The following RSPO2 variants were observed in gnomAD, a reference collection of about 807,000 sequenced individuals.
The protein encoded by RSPO2 is R-spondin-2.
A neutral mutation model predicts 30.9 loss-of-function variants in RSPO2; 14 were observed. The observed-to-expected ratio is 0.45, with a 90% CI of 0.30 to 0.71. RSPO2 has a LOEUF of 0.71. Among genes scored for constraint, RSPO2 ranks in the 30% least tolerant of loss-of-function variants. RSPO2 has a pLI of 0.08. For missense variants in RSPO2, 264 were observed against 301.9 expected (o/e 0.87, Z 0.93); for synonymous variants, 107 against 96.4 (o/e 1.11, Z -0.64).
intron 3 of RSPO2, chr8:107,983,083 C>A (rs1814506827): frequency 7.5e-7 from 1 of 1,338,940 alleles, no homozygotes; most frequent in South Asian, 1.4e-5. Context: ...CACCACTACT[C>A]CCCTTCCTAA....
intron 2 of RSPO2, among the ~76,000 whole-genome samples, chr8:108,057,998 A>C (rs572957179): frequency 6.6e-6 from 1 of 152,258 alleles, no homozygotes; most frequent in South Asian, 2.1e-4. Flanking sequence ...CCTGGCCAGA[A>C]CTTCCAACAC....
At chr8:107,972,154 T>G (rs1466118894) in intron 3 of RSPO2, among the ~76,000 whole-genome samples, 2 of 151,910 alleles carry the variant, frequency 1.3e-5, no homozygotes, top group Admixed American at 6.6e-5. Context: ...ACACAGTCTT[T>G]TTTTTTTTTG....
chr8:108,041,039 C>CT, intron 2 of RSPO2, among the ~76,000 whole-genome samples: 1 of 151,934 alleles, frequency 6.6e-6, no homozygotes, highest in Non-Finnish European at 1.5e-5. Flanking sequence ...CAATTTAGGA[C>CT]TAGTTGGCCA....
intron 2 of RSPO2, among the ~76,000 whole-genome samples, chr8:108,062,615 T>C (rs377732442): frequency 1.3e-5 from 2 of 150,974 alleles, no homozygotes; most frequent in African/African-American, 4.9e-5. Context: ...CAAGGAGGAG[T>C]TGGTACCATT....
intron 5 of RSPO2, among the ~76,000 whole-genome samples, chr8:107,931,259 T>C (rs1307332370): frequency 2.0e-5 from 3 of 152,182 alleles, no homozygotes; most frequent in African/African-American, 7.2e-5. Flanking sequence ...AAAATAAGTA[T>C]TAATATAAAG....
chr8:107,970,691 G>A (rs1813967053), intron 3 of RSPO2, among the ~76,000 whole-genome samples: 1 of 152,162 alleles, frequency 6.6e-6, no homozygotes, highest in African/African-American at 2.4e-5. Flanking sequence ...AGTTGTCTGT[G>A]GGTCAATATT....
At chr8:108,062,075 A>G (rs1018390728) in intron 2 of RSPO2, among the ~76,000 whole-genome samples, 5 of 151,914 alleles carry the variant, frequency 3.3e-5, no homozygotes, top group African/African-American at 7.3e-5. Flanking sequence ...TGCCCACAAG[A>G]GAAAGCAGGA....
At position 107,996,894 on chromosome 8, in the gene RSPO2, G is replaced by A. The variant is rs1418919284; in HGVS notation, c.95-7650C>T. ...CTCAACAGACTTAAACAATGAAAAT[G>A]AATTAGGGAATACTTACCCAAGTCC... is the stretch of plus-strand genomic sequence containing the variant. On this transcript the variant is annotated intron_variant, in intron 2 of 5. Coordinates refer to ENST00000276659, the MANE Select transcript of RSPO2 (RefSeq NM_178565.5). The A allele has an allele frequency of 8.8e-6, 4 of 454,072 alleles. No individual in the cohort carries two copies. In the Admixed American group the frequency reaches 9.5e-5, roughly 11 times the overall value. The allele number at this position is 454,072 out of a possible 1,614,324, so 28.1% of individuals were successfully genotyped here. A position where few individuals can be genotyped will look rare whatever the true frequency, so the allele number is the denominator to read the frequency against.
rs71308771 is a variant in RSPO2 at position 108,029,054 on chromosome 8, C to CTTT, written c.95-39813_95-39811dup. Among the ~76,000 whole-genome samples, 14 of 26,200 alleles carry CTTT rather than the reference C, an allele frequency of 5.3e-4. 5 individuals carry two copies. The highest frequency in any genetic ancestry group is 1.5e-3 in the Non-Finnish European group (13 of 8,926). 17.2% of individuals were successfully genotyped at this position (26,200 alleles called of 152,430 possible). On this transcript the variant is annotated intron_variant, in intron 2 of 5. Transcript: ENST00000276659. ...AACTTGGGTAACTGTTAACATGAGT[C>CTTT]TTTTTTTTTTTTTTTTTTTTTTTTT...
chr8:108,034,751 T>C (rs1310361418), intron 2 of RSPO2, among the ~76,000 whole-genome samples: 3 of 152,286 alleles, frequency 2.0e-5, no homozygotes, highest in South Asian at 2.1e-4. Context: ...GCCCTGGTTA[T>C]GGTCAAAGCT....
At chr8:108,027,696 G>T (rs1811269253) in intron 2 of RSPO2, among the ~76,000 whole-genome samples, 1 of 151,744 alleles carries the variant, frequency 6.6e-6, no homozygotes, top group Middle Eastern at 3.4e-3. Flanking sequence ...GAGCCTGATG[G>T]GAAAATAAAA....
At chr8:107,935,006 A>G (rs1486423646) in intron 5 of RSPO2, among the ~76,000 whole-genome samples, 1 of 152,234 alleles carries the variant, frequency 6.6e-6, no homozygotes, top group African/African-American at 2.4e-5. Context: ...TTTGAACAAT[A>G]TGAAATCTGG....
At chr8:107,998,731 AT>A (rs1449866351) in intron 2 of RSPO2, among the ~76,000 whole-genome samples, 1 of 152,154 alleles carries the variant, frequency 6.6e-6, no homozygotes, top group African/African-American at 2.4e-5. Context: ...AAATTTCAAA[AT>A]TCTAGAACTC....
At chr8:107,982,009 C>CAAAAAAAAAAAAAA (rs372977834) in intron 3 of RSPO2, among the ~76,000 whole-genome samples, 20 of 55,380 alleles carry the variant, frequency 3.6e-4, no homozygotes, top group East Asian at 5.7e-4. Flanking sequence ...ACAACAACAA[C>CAAAAAAAAAAAAAA]AAAAAAAAAA....
At chr8:107,919,673 A>T (rs1257009581) in intron 5 of RSPO2, among the ~76,000 whole-genome samples, 1 of 152,076 alleles carries the variant, frequency 6.6e-6, no homozygotes, top group Admixed American at 6.6e-5. Context: ...TCAGCACAAG[A>T]TGACAGCTTC....
chr8:107,951,675 G>A (rs1201211038), intron 5 of RSPO2, among the ~76,000 whole-genome samples: 1 of 152,120 alleles, frequency 6.6e-6, no homozygotes, highest in Admixed American at 6.5e-5. Context: ...AGAGATTCCA[G>A]ATGGGAAGCT....
chr8:108,011,211 GAAAGGA>G (rs200666974), intron 2 of RSPO2, among the ~76,000 whole-genome samples: 4,699 of 150,106 alleles, frequency 0.031, 237 homozygotes, highest in African/African-American at 0.11. Context: ...AAAAGGAAAG[GAAAGGA>G]AAAGGAAAAG....
intron 2 of RSPO2, among the ~76,000 whole-genome samples, chr8:108,027,421 A>G (rs1811258997): frequency 6.6e-6 from 1 of 152,228 alleles, no homozygotes; most frequent in Non-Finnish European, 1.5e-5. Context: ...CAAATGAAGT[A>G]TCTATCTGGT....
chr8:108,060,754 G>A (rs1194830379), intron 2 of RSPO2, among the ~76,000 whole-genome samples: 1 of 150,110 alleles, frequency 6.7e-6, no homozygotes, highest in Non-Finnish European at 1.5e-5. Flanking sequence ...AAGTTGAAAT[G>A]AAGGAAAAAA....
Sources: allele counts gnomAD v4.1 joint callset (sites outside exome capture counted in the v4.1 genomes callset), GRCh38; gene constraint gnomAD v4.1.1; transcripts MANE v1.5; gene names NCBI Gene and HGNC (gene_info 2026-07-23, HGNC 2026-07-21).